The following CNTNAP2 variants were observed in gnomAD, a reference collection of about 807,000 sequenced individuals.
CNTNAP2 encodes the protein contactin-associated protein-like 2.
A neutral mutation model predicts 155.2 loss-of-function variants in CNTNAP2; 98 were observed. That is an observed-to-expected ratio of 0.63 (90% CI 0.54 to 0.75). The LOEUF is 0.75. CNTNAP2 is among the 30% of genes least tolerant of loss of function. The probability of loss-of-function intolerance (pLI) is 0.00; values close to 1 mark genes in which losing one functional copy is unlikely to be tolerated. For missense variants in CNTNAP2, 1,727 were observed against 1,688.1 expected, an observed-to-expected ratio of 1.02 and a Z score of -0.40; for synonymous variants, 651 against 631.2, an observed-to-expected ratio of 1.03 and a Z score of -0.47.
At chr7:147,207,238 T>C (rs890241816) in intron 8 of CNTNAP2, among the ~76,000 whole-genome samples, 1 of 152,142 alleles carries the variant, frequency 6.6e-6, no homozygotes, top group African/African-American at 2.4e-5. Context: ...AGTGGCACTG[T>C]ACTGTTAACA....
At chr7:146,399,762 G>A (rs1046526967) in intron 1 of CNTNAP2, among the ~76,000 whole-genome samples, 1 of 152,088 alleles carries the variant, frequency 6.6e-6, no homozygotes, top group Non-Finnish European at 1.5e-5. Context: ...TGTAAAGGCT[G>A]TAGTAATTTA....
At chr7:147,856,664 C>A (rs1432981963) in intron 13 of CNTNAP2, among the ~76,000 whole-genome samples, 1 of 146,254 alleles carries the variant, frequency 6.8e-6, no homozygotes. Flanking sequence ...ACATTTTGTT[C>A]GTATAAGTCA....
At chr7:146,430,345 T>C (rs368047516) in intron 1 of CNTNAP2, among the ~76,000 whole-genome samples, 16 of 152,058 alleles carry the variant, frequency 1.1e-4, no homozygotes, top group East Asian at 9.6e-4. Context: ...TTGTTCAAAA[T>C]ATTTTTCTGG....
At chr7:146,171,500 T>G (rs1055543120) in intron 1 of CNTNAP2, among the ~76,000 whole-genome samples, 1 of 152,168 alleles carries the variant, frequency 6.6e-6, no homozygotes, top group South Asian at 2.1e-4. Flanking sequence ...TAAATCTCAC[T>G]TAATTATAAT....
At chr7:147,982,855 T>C (rs1801554687) in intron 15 of CNTNAP2, among the ~76,000 whole-genome samples, 1 of 151,608 alleles carries the variant, frequency 6.6e-6, no homozygotes, top group African/African-American at 2.4e-5. Context: ...CTGTCTCTAA[T>C]AAAAACACAA....
At chr7:147,161,314 C>T (rs1802018936) in intron 8 of CNTNAP2, among the ~76,000 whole-genome samples, 1 of 152,152 alleles carries the variant, frequency 6.6e-6, no homozygotes, top group Non-Finnish European at 1.5e-5. Flanking sequence ...ATAAGTGAGC[C>T]TCCTCCTGTG....
At chr7:147,131,727 T>C (rs759151755) in intron 7 of CNTNAP2, among the ~76,000 whole-genome samples, 1 of 152,132 alleles carries the variant, frequency 6.6e-6, no homozygotes, top group Non-Finnish European at 1.5e-5. Context: ...ACAAGGTATA[T>C]AGATAAAAAT....
At chr7:146,841,636 T>C (rs528465271) in intron 3 of CNTNAP2, among the ~76,000 whole-genome samples, 1 of 152,326 alleles carries the variant, frequency 6.6e-6, no homozygotes, top group East Asian at 1.9e-4. Context: ...AGTCAGACTC[T>C]GAAATACTGT....
At chr7:148,180,009 G>A (rs1431156987) in intron 18 of CNTNAP2, among the ~76,000 whole-genome samples, 1 of 152,172 alleles carries the variant, frequency 6.6e-6, no homozygotes, top group Admixed American at 6.5e-5. Context: ...CCCTTTTAGA[G>A]CAGGTTGGAG....
At chr7:148,174,791 G>C (rs1794904276) in intron 18 of CNTNAP2, among the ~76,000 whole-genome samples, 1 of 152,078 alleles carries the variant, frequency 6.6e-6, no homozygotes, top group Non-Finnish European at 1.5e-5. Context: ...TGCAGAACAT[G>C]CAGGTTTGTT....
intron 1 of CNTNAP2, among the ~76,000 whole-genome samples, chr7:146,267,692 A>T (rs1030346664): frequency 2.6e-5 from 4 of 152,212 alleles, no homozygotes; most frequent in African/African-American, 9.6e-5. Flanking sequence ...GAATCTGTGG[A>T]TGCCTTGAAC....
intron 14 of CNTNAP2, among the ~76,000 whole-genome samples, chr7:147,976,088 A>G (rs1441498319): frequency 6.6e-6 from 1 of 152,198 alleles, no homozygotes; most frequent in African/African-American, 2.4e-5. Context: ...TAGCATCACA[A>G]AATATTTTTT....
At chr7:146,301,403 T>TC (rs1428608229) in intron 1 of CNTNAP2, among the ~76,000 whole-genome samples, 7 of 152,096 alleles carry the variant, frequency 4.6e-5, no homozygotes, top group African/African-American at 1.7e-4. Flanking sequence ...GACGGGCAGA[T>TC]CACAAGGTCA....
intron 21 of CNTNAP2, among the ~76,000 whole-genome samples, chr7:148,331,226 G>T (rs1463979881): frequency 7.0e-6 from 1 of 141,916 alleles, no homozygotes; most frequent in Admixed American, 7.1e-5. Context: ...TGGATGGATG[G>T]AGTGGATGGA....
intron 1 of CNTNAP2, among the ~76,000 whole-genome samples, chr7:146,313,938 G>A (rs2129091205): frequency 6.6e-6 from 1 of 152,240 alleles, no homozygotes; most frequent in Non-Finnish European, 1.5e-5. Flanking sequence ...AGCGGAGGTT[G>A]CAGTGAACTA....
intron 11 of CNTNAP2, among the ~76,000 whole-genome samples, chr7:147,533,732 C>G (rs973017618): frequency 2.7e-5 from 4 of 149,108 alleles, no homozygotes; most frequent in African/African-American, 9.8e-5. Context: ...AAGCACCTTA[C>G]TTTTTACTTC....
chr7:146,179,586 G>T (rs927624535), intron 1 of CNTNAP2, among the ~76,000 whole-genome samples: 1 of 152,004 alleles, frequency 6.6e-6, no homozygotes, highest in Non-Finnish European at 1.5e-5. Flanking sequence ...TAAATATTGG[G>T]AACCTGAAGG....
intron 1 of CNTNAP2, among the ~76,000 whole-genome samples, chr7:146,657,333 G>C (rs1800012460): frequency 6.6e-6 from 1 of 152,264 alleles, no homozygotes; most frequent in Non-Finnish European, 1.5e-5. Context: ...TGGAAAGTTT[G>C]CTTTTGTAGA....
At chr7:147,359,645 T>C (rs1796115224) in intron 9 of CNTNAP2, among the ~76,000 whole-genome samples, 1 of 152,162 alleles carries the variant, frequency 6.6e-6, no homozygotes, top group African/African-American at 2.4e-5. Flanking sequence ...TTTAGCACAC[T>C]GGGAACAGTG....
Sources: gnomAD v4.1 joint callset for allele counts (sites outside exome capture counted in the v4.1 genomes callset) on GRCh38, gnomAD v4.1.1 for gene constraint, MANE v1.5 for transcripts, NCBI Gene and HGNC (gene_info 2026-07-23, HGNC 2026-07-21) for gene names.